The following LDLRAD3 variants were observed in gnomAD, a reference collection of about 807,000 sequenced individuals.
LDLRAD3 encodes the protein low-density lipoprotein receptor class A domain-containing protein 3.
A neutral mutation model predicts 29.4 loss-of-function variants in LDLRAD3; 20 were observed. The ratio of observed to expected loss-of-function variants is 0.68; its 90% CI spans 0.48 to 0.99. LDLRAD3 has a LOEUF of 0.99. LDLRAD3 is among the 50% of genes least tolerant of loss of function. The probability of loss-of-function intolerance (pLI) is 0.00; values close to 1 mark genes in which losing one functional copy is unlikely to be tolerated. For synonymous variants in LDLRAD3, 157 were observed against 192.7 expected (o/e 0.81, Z 1.53); for missense variants, 420 against 454.3 (o/e 0.92, Z 0.69).
intron 3 of LDLRAD3, among the ~76,000 whole-genome samples, chr11:36,088,836 G>A (rs1024962178): frequency 3.3e-5 from 5 of 152,166 alleles, no homozygotes; most frequent in Non-Finnish European, 5.9e-5. Context: ...CCTCCTGTGT[G>A]TTCTCAGACC....
At chr11:35,969,821 G>C (rs768158575) in intron 1 of LDLRAD3, among the ~76,000 whole-genome samples, 2 of 152,194 alleles carry the variant, frequency 1.3e-5, no homozygotes, top group African/African-American at 4.8e-5. Context: ...TGGGGCCCAC[G>C]TGCATGCGTG....
intron 2 of LDLRAD3, among the ~76,000 whole-genome samples, chr11:36,043,265 T>C (rs1852405610): frequency 6.6e-6 from 1 of 152,208 alleles, no homozygotes; most frequent in Non-Finnish European, 1.5e-5. Context: ...TGAGCTGAGA[T>C]TGTGCCACTG....
chr11:35,967,802 A>C (rs544990636), intron 1 of LDLRAD3: 21 of 447,966 alleles, frequency 4.7e-5, no homozygotes, highest in African/African-American at 4.1e-4. Flanking sequence ...GTTTTCAGAT[A>C]TAGCAGCCTG....
intron 1 of LDLRAD3, among the ~76,000 whole-genome samples, chr11:36,028,190 A>C (rs1852191643): frequency 6.6e-6 from 1 of 152,196 alleles, no homozygotes; most frequent in Non-Finnish European, 1.5e-5. Flanking sequence ...TGTTTAGATA[A>C]ATTCACAGAA....
chr11:36,008,483 G>T (rs1264029937), intron 1 of LDLRAD3, among the ~76,000 whole-genome samples: 1 of 152,198 alleles, frequency 6.6e-6, no homozygotes, highest in Non-Finnish European at 1.5e-5. Context: ...CCAGGAGTTT[G>T]TTGGGGTCAA....
chr11:35,992,180 T>G (rs1480160893), intron 1 of LDLRAD3, among the ~76,000 whole-genome samples: 1 of 152,202 alleles, frequency 6.6e-6, no homozygotes, highest in Non-Finnish European at 1.5e-5. Flanking sequence ...GAAAGCAGTA[T>G]TGGCCACAGA....
At chr11:36,053,523 C>T (rs370526013) in intron 2 of LDLRAD3, among the ~76,000 whole-genome samples, 26 of 152,232 alleles carry the variant, frequency 1.7e-4, no homozygotes, top group South Asian at 1.0e-3. Context: ...GGGTAAGTCT[C>T]GCCACCTGTC....
At chr11:36,058,233 ACATGC>A (rs1450095444) in intron 2 of LDLRAD3, among the ~76,000 whole-genome samples, 2 of 152,118 alleles carry the variant, frequency 1.3e-5, no homozygotes, top group African/African-American at 4.8e-5. Context: ...GTGCTGTGGC[ACATGC>A]CATTTCCCTC....
chr11:35,960,889 C>A (rs188213698), intron 1 of LDLRAD3, among the ~76,000 whole-genome samples: 1 of 152,224 alleles, frequency 6.6e-6, no homozygotes, highest in African/African-American at 2.4e-5. Flanking sequence ...CCACCGTGCC[C>A]GGCCTGCTTT....
chr11:36,219,064 C>T lies in LDLRAD3; in HGVS notation c.455-8021C>T, dbSNP rs530694321. ...CAGTGGGCCAAATCTGACCTGCTAC[C>T]TGTTTTTGTAAATAAAGTTTGTCTG... is the stretch of plus-strand genomic sequence containing the variant. On this transcript the variant is annotated intron_variant, in intron 4 of 5. Coordinates refer to ENST00000315571, the MANE Select transcript of LDLRAD3 (RefSeq NM_174902.4). 2.5e-4 allele frequency among the ~76,000 whole-genome samples: 38 copies of T among 152,338 alleles called. No individual in the cohort carries two copies. In the South Asian group the frequency reaches 7.7e-3, roughly 31 times the overall value.
chr11:35,973,416 TGTTGA>T (rs1247596561), intron 1 of LDLRAD3, among the ~76,000 whole-genome samples: 2 of 152,116 alleles, frequency 1.3e-5, no homozygotes, highest in African/African-American at 2.4e-5. Context: ...GAAATGGAAT[TGTTGA>T]GTTGAAGAGT....
intron 4 of LDLRAD3, chr11:36,197,221 C>T (rs1855047072): frequency 6.6e-6 from 1 of 152,230 alleles, no homozygotes; most frequent in Non-Finnish European, 1.5e-5. Flanking sequence ...CTCTTTCATT[C>T]TGCTGCCTCA....
intron 4 of LDLRAD3, among the ~76,000 whole-genome samples, chr11:36,175,174 C>T (rs776979944): frequency 9.2e-5 from 14 of 152,144 alleles, no homozygotes; most frequent in Non-Finnish European, 1.9e-4. Flanking sequence ...CCATTTCATT[C>T]TTAATTGAAC....
intron 4 of LDLRAD3, among the ~76,000 whole-genome samples, chr11:36,146,406 A>G (rs901124472): frequency 3.9e-5 from 6 of 152,364 alleles, no homozygotes; most frequent in South Asian, 2.1e-4. Flanking sequence ...CATCCTTTTC[A>G]TACCATATAA....
chr11:35,973,444 T>C (rs956531290), intron 1 of LDLRAD3, among the ~76,000 whole-genome samples: 20 of 152,044 alleles, frequency 1.3e-4, no homozygotes, highest in African/African-American at 4.6e-4. Context: ...AGGGTGTTTG[T>C]AGGTGTTTTG....
In LDLRAD3 at chr11:35,951,606, G is replaced by C. The variant is rs148311719; in HGVS notation, c.46+7462G>C. On this transcript the variant is annotated intron_variant, in intron 1 of 5. Coordinates refer to ENST00000315571, the MANE Select transcript of LDLRAD3 (RefSeq NM_174902.4). The stretch of plus-strand genomic sequence containing the variant: ...TAAAGGGCTGGCTCTTGCTTTGCAA[G>C]AAAATATGGAATTATGGTAATTTCT... 4.9e-3 allele frequency among the ~76,000 whole-genome samples: 746 copies of C among 152,292 alleles called. 9 individuals are homozygous for C. Among genetic ancestry groups the C allele is most frequent in the African/African-American group, 0.017 (696 of 41,556 alleles).
chr11:36,180,074 G>A (rs1267549140), intron 4 of LDLRAD3, among the ~76,000 whole-genome samples: 1 of 152,182 alleles, frequency 6.6e-6, no homozygotes, highest in African/African-American at 2.4e-5. Flanking sequence ...GGTAGATGCT[G>A]TGTCAGTTTT....
chr11:36,196,798 G>A (rs1237074538), intron 4 of LDLRAD3: 2 of 152,144 alleles, frequency 1.3e-5, no homozygotes, highest in African/African-American at 2.4e-5. Flanking sequence ...TTTTGAGGGA[G>A]GGATCAGTAA....
chr11:36,048,667 C>A (rs1235378495), intron 2 of LDLRAD3, among the ~76,000 whole-genome samples: 5 of 152,172 alleles, frequency 3.3e-5, no homozygotes, highest in Admixed American at 1.3e-4. Context: ...TGTCACATAT[C>A]TCTGCTGGTG....
Sources: gnomAD v4.1 joint callset for allele counts (sites outside exome capture counted in the v4.1 genomes callset) on GRCh38, gnomAD v4.1.1 for gene constraint, MANE v1.5 for transcripts, NCBI Gene and HGNC (gene_info 2026-07-23, HGNC 2026-07-21) for gene names.